CDC123: variants seen among roughly 807,000 people sequenced by gnomAD.
CDC123 encodes the protein cell division cycle 123.
In CDC123, 37 loss-of-function variants were observed where a neutral mutation model predicts 54.4. The ratio of observed to expected loss-of-function variants is 0.68; its 90% confidence interval spans 0.52 to 0.89. The LOEUF (loss-of-function observed/expected upper bound fraction) is 0.89, where lower values mean the gene tolerates loss of function less well. Among genes scored for constraint, CDC123 ranks in the 40% least tolerant of loss-of-function variants. The pLI is 0.00. For missense variants in CDC123, 361 were observed against 412.1 expected (o/e 0.88, Z 1.07); for synonymous variants, 144 against 136.8 (o/e 1.05, Z -0.37).
chr10:12,213,911 C>A (rs1333507713), intron 4 of CDC123, among the ~76,000 whole-genome samples: 2 of 152,058 alleles, frequency 1.3e-5, no homozygotes, highest in South Asian at 4.1e-4. Flanking sequence ...ATTGCCTGTC[C>A]GTAAGAATTA....
chr10:12,237,508 C>T (rs892230333), intron 9 of CDC123: 5 of 203,242 alleles, frequency 2.5e-5, no homozygotes, highest in Non-Finnish European at 3.8e-5. Flanking sequence ...GATCGCGGCT[C>T]GTGCAGCTTC....
chr10:12,212,923 T>C (rs187793908), intron 4 of CDC123, among the ~76,000 whole-genome samples: 56 of 152,340 alleles, frequency 3.7e-4, no homozygotes, highest in Admixed American at 3.5e-3. Context: ...ATGTGAAGTA[T>C]AAGAATAGGT....
chr10:12,250,254 A>G, intron 12 of CDC123, 57 bp from the exon 13 acceptor site: 1 of 1,103,804 alleles, frequency 9.1e-7, no homozygotes, highest in Non-Finnish European at 1.3e-6. Context: ...ACACCTGCTG[A>G]GCAGATATCC....
chr10:12,202,752 C>T (rs981451420), intron 2 of CDC123, among the ~76,000 whole-genome samples: 1 of 152,206 alleles, frequency 6.6e-6, no homozygotes, highest in Non-Finnish European at 1.5e-5. Context: ...TGGTGGCTCA[C>T]GCCTGTAATC....
At chr10:12,198,888 A>G in intron 2 of CDC123, 112 bp downstream of exon 2, 2 of 659,664 alleles carry the variant, frequency 3.0e-6, no homozygotes, top group Non-Finnish European at 5.4e-6. Flanking sequence ...TCTCCTAGCC[A>G]AAATGATGTG....
At chr10:12,214,472 T>C (rs1835639447) in intron 4 of CDC123, among the ~76,000 whole-genome samples, 1 of 152,216 alleles carries the variant, frequency 6.6e-6, no homozygotes, top group South Asian at 2.1e-4. Flanking sequence ...TACTCTAGTC[T>C]CATTTCATGT....
intron 4 of CDC123, among the ~76,000 whole-genome samples, chr10:12,210,818 A>G (rs994069221): frequency 1.2e-4 from 18 of 152,126 alleles, no homozygotes; most frequent in African/African-American, 3.9e-4. Flanking sequence ...CTCCTGCCTC[A>G]GCCTCCTGAG....
At chr10:12,217,874 G>A (rs1376348215) in intron 6 of CDC123, among the ~76,000 whole-genome samples, 3 of 152,084 alleles carry the variant, frequency 2.0e-5, no homozygotes, top group Non-Finnish European at 4.4e-5. Context: ...GATCACCTGA[G>A]GTCAGGAGTT....
At chr10:12,214,637 G>T (rs2131739781) in intron 4 of CDC123, among the ~76,000 whole-genome samples, 1 of 152,252 alleles carries the variant, frequency 6.6e-6, no homozygotes, top group Admixed American at 6.6e-5. Context: ...TGTTTTGGGG[G>T]ATATATGACC....
intron 2 of CDC123, among the ~76,000 whole-genome samples, chr10:12,199,417 C>T (rs1052232296): frequency 1.3e-5 from 2 of 152,160 alleles, no homozygotes; most frequent in African/African-American, 4.8e-5. Flanking sequence ...CCCTGACCTC[C>T]CTTCATTTTT....
At chr10:12,215,395 C>A (rs912323294) in intron 4 of CDC123, among the ~76,000 whole-genome samples, 2 of 152,110 alleles carry the variant, frequency 1.3e-5, no homozygotes, top group African/African-American at 4.8e-5. Flanking sequence ...AGGTGATATT[C>A]CACCTGTCTA....
At chr10:12,223,215 C>T (rs972847499) in intron 6 of CDC123, among the ~76,000 whole-genome samples, 4 of 152,018 alleles carry the variant, frequency 2.6e-5, no homozygotes, top group African/African-American at 9.7e-5. Flanking sequence ...TTTCAGTGTG[C>T]AAAATATTTG....
chr10:12,245,958 T>C (rs1564260445), intron 10 of CDC123, 191 bp from the exon 11 acceptor site: 1 of 536,608 alleles, frequency 1.9e-6, no homozygotes, highest in East Asian at 3.2e-5. Flanking sequence ...TAGTCCCAGG[T>C]ACTGAGGAGG....
intron 2 of CDC123, among the ~76,000 whole-genome samples, chr10:12,206,945 C>T (rs12242993): frequency 0.058 from 7,493 of 129,772 alleles, 542 homozygotes; most frequent in African/African-American, 0.18. Context: ...GGCAACAGAG[C>T]GAGACTCCAT....
intron 2 of CDC123, among the ~76,000 whole-genome samples, chr10:12,206,440 A>T (rs945319743): frequency 6.6e-6 from 1 of 152,260 alleles, no homozygotes; most frequent in African/African-American, 2.4e-5. Flanking sequence ...TAGTATTTCC[A>T]CTATAGAACA....
intron 6 of CDC123, among the ~76,000 whole-genome samples, chr10:12,218,995 C>A (rs1049667391): frequency 7.2e-5 from 11 of 152,170 alleles, no homozygotes; most frequent in Non-Finnish European, 1.2e-4. Flanking sequence ...TAAAGCATAT[C>A]CCAGAACCTA....
chr10:12,237,601 T>G (rs923533388), intron 9 of CDC123: 7 of 153,964 alleles, frequency 4.5e-5, no homozygotes, highest in African/African-American at 1.7e-4. Flanking sequence ...ACCCGGCTAA[T>G]TTTTTGTATG....
At chr10:12,234,371 C>T (rs1835948670) in intron 7 of CDC123, among the ~76,000 whole-genome samples, 1 of 152,230 alleles carries the variant, frequency 6.6e-6, no homozygotes, top group Non-Finnish European at 1.5e-5. Context: ...GCACCCGCCA[C>T]CATGCCTGGC....
chr10:12,242,561 G>T (rs895565780), intron 10 of CDC123, among the ~76,000 whole-genome samples: 4 of 152,182 alleles, frequency 2.6e-5, no homozygotes, highest in Admixed American at 6.5e-5. Flanking sequence ...CTGGTACAAG[G>T]ACAGTTAGTC....
Sources: allele counts gnomAD v4.1 joint callset (sites outside exome capture counted in the v4.1 genomes callset), GRCh38; gene constraint gnomAD v4.1.1; transcripts MANE v1.5; gene names NCBI Gene and HGNC (gene_info 2026-07-23, HGNC 2026-07-21).